The following PGLYRP3 variants were observed in gnomAD, a reference collection of about 807,000 sequenced individuals.
The protein encoded by PGLYRP3 is peptidoglycan recognition protein I alpha.
A neutral mutation model predicts 36.0 loss-of-function variants in PGLYRP3; 39 were observed. That is an observed-to-expected ratio of 1.08 (90% CI 0.84 to 1.41). The LOEUF is 1.41. Ranked by LOEUF, PGLYRP3 falls within the 40% of genes most tolerant of loss-of-function variation. PGLYRP3 has a pLI of 0.00. For synonymous variants in PGLYRP3, 204 were observed against 172.8 expected, an observed-to-expected ratio of 1.18 and a Z score of -1.42; for missense variants, 407 against 427.9, an observed-to-expected ratio of 0.95 and a Z score of 0.43.
intron 3 of PGLYRP3, among the ~76,000 whole-genome samples, chr1:153,306,099 A>G (rs1404033397): frequency 6.6e-6 from 1 of 152,204 alleles, no homozygotes; most frequent in East Asian, 1.9e-4. Flanking sequence ...CGTGGTTGAC[A>G]TGACATGCCC....
rs1400766548 is a variant in PGLYRP3 at position 153,297,532 on chromosome 1, A to C, written c.*424T>G. The stretch of plus-strand genomic sequence containing the variant: ...GAAGGAAGGAAGGAAGGAAGGAAGG[A>C]AGGAAGGAAGGAAGGAAGGAAAGAA... On this transcript the variant is annotated 3_prime_UTR_variant, in exon 8 of 8. Transcript: ENST00000683862. Among the ~76,000 whole-genome samples the C allele has an allele frequency of 1.1e-5, 1 of 88,310 alleles. No homozygotes were observed. The highest frequency in any genetic ancestry group is 4.5e-5 in the African/African-American group (1 of 22,146). 57.9% of individuals were successfully genotyped at this position (88,310 alleles called of 152,430 possible).
At chr1:153,303,366 C>T (rs1198695039) in intron 5 of PGLYRP3, among the ~76,000 whole-genome samples, 1 of 152,202 alleles carries the variant, frequency 6.6e-6, no homozygotes, top group Non-Finnish European at 1.5e-5. Flanking sequence ...TATGTATGTC[C>T]TTCGTGTCCC....
Position 153,312,950 on chromosome 1 carries a change from A to C in PGLYRP3, c.-349T>G, listed in dbSNP as rs1490406047. Among the ~76,000 whole-genome samples the C allele has an allele frequency of 6.6e-6, 1 of 152,136 alleles. No homozygotes were observed. The highest frequency in any genetic ancestry group is 1.5e-5 in the Non-Finnish European group (1 of 68,006). On this transcript the variant is annotated 5_prime_UTR_variant, in exon 1 of 8. Transcript: ENST00000683862. ...CTGTTTACAGCACCCAGAGAAACTTAAGTGGGAACAGACCCAGGCTGAGAG... is the reference window on the plus strand; with the variant it reads ...CTGTTTACAGCACCCAGAGAAACTTCAGTGGGAACAGACCCAGGCTGAGAG...
intron 6 of PGLYRP3, among the ~76,000 whole-genome samples, chr1:153,300,280 T>G (rs1032165246): frequency 6.6e-6 from 1 of 152,172 alleles, no homozygotes; most frequent in Non-Finnish European, 1.5e-5. Context: ...TGCTTATCCA[T>G]GTCCCAATGA....
At chr1:153,312,472 A>T (rs1054081514) in intron 1 of PGLYRP3, among the ~76,000 whole-genome samples, 171 bp downstream of exon 1, 7 of 152,238 alleles carry the variant, frequency 4.6e-5, no homozygotes, top group African/African-American at 1.7e-4. Context: ...AGAAGAATTT[A>T]GAATGAAGAA....
intron 7 of PGLYRP3, among the ~76,000 whole-genome samples, chr1:153,298,906 T>C (rs982797454): frequency 6.6e-6 from 1 of 152,162 alleles, no homozygotes; most frequent in African/African-American, 2.4e-5. Context: ...AAGGTGGAGC[T>C]GGGCATGGGG....
At chr1:153,307,040 C>A in intron 3 of PGLYRP3, 26 bp downstream of exon 3, 1 of 1,609,150 alleles carries the variant, frequency 6.2e-7, no homozygotes, top group African/African-American at 1.3e-5. Flanking sequence ...TGGATGTGGG[C>A]CTCAGGGACT....
chr1:153,304,830 G>T, intron 4 of PGLYRP3, 117 bp downstream of exon 4: 1 of 719,078 alleles, frequency 1.4e-6, no homozygotes, highest in Non-Finnish European at 2.3e-6. Flanking sequence ...AGAGAAGGGT[G>T]ATCATCAGAG....
Position 153,302,440 on chromosome 1 carries a change from C to A in PGLYRP3, c.697G>T (p.Asp233Tyr), listed in dbSNP as rs1161516307. The A allele has an allele frequency of 6.2e-7, 1 of 1,614,036 alleles. No homozygotes were observed. Among genetic ancestry groups the A allele is most frequent in the Non-Finnish European group, 8.5e-7 (1 of 1,180,024 alleles). ...CCAATGTCACAAAAGTTCCGTGTGTCCATGTGAAAGGACTGTATGTTTCGG... is the reference window on the plus strand; with the variant it reads ...CCAATGTCACAAAAGTTCCGTGTGTACATGTGAAAGGACTGTATGTTTCGG... ...VVRNIQSFHM[D>Y]TRNFCDIGYH... The change falls in exon 6 of 8, where the codon GAC (aspartate) becomes TAC (tyrosine). Residue 233 changes from aspartate to tyrosine, a missense_variant. Physicochemically the swap from Asp to Tyr is radical, Grantham distance 160. Transcript: ENST00000683862.
At chr1:153,312,306 C>T (rs3806230) in intron 1 of PGLYRP3, among the ~76,000 whole-genome samples, 60,568 of 151,926 alleles carry the variant, frequency 0.4, 12,756 homozygotes, top group Non-Finnish European at 0.47. Flanking sequence ...TGCTGTGCAT[C>T]CTGTATACTG....
At position 153,303,928 on chromosome 1, in the gene PGLYRP3, C is replaced by A. The variant is rs779076910; in HGVS notation, c.458G>T (p.Arg153Met). ...TTTCAGAAGAAGTGGCTGAATATAC[C>A]TGGGCGACAGGTGACCCTTCTGGAT... The part of the protein sequence containing the change: ...YAIQKGHLSP[R>M]YIQPLLLKEE... Residue 153 changes from arginine to methionine, a missense_variant, in exon 5 of 8, where the codon AGG becomes ATG. By Grantham distance (91) the Arg-to-Met change is moderately conservative. Transcript: ENST00000683862. The A allele has an allele frequency of 8.1e-6, 13 of 1,614,020 alleles. No individual in the cohort carries two copies. Among genetic ancestry groups the A allele is most frequent in the Non-Finnish European group, 1.1e-5 (13 of 1,179,994 alleles).
intron 6 of PGLYRP3, among the ~76,000 whole-genome samples, chr1:153,299,667 CTCTAG>C (rs760140755): frequency 5.3e-5 from 8 of 152,194 alleles, no homozygotes; most frequent in Non-Finnish European, 1.0e-4. Context: ...CTCCTCCGCA[CTCTAG>C]TCTAGGCCAT....
In PGLYRP3 at chr1:153,303,386, G is replaced by A. The variant is rs187651162; in HGVS notation, c.529+471C>T. Among the ~76,000 whole-genome samples the A allele has an allele frequency of 5.4e-4, 82 of 152,290 alleles. 1 individual carries two copies. The highest frequency in any genetic ancestry group is 3.9e-3 in the South Asian group (19 of 4,822). On this transcript the variant is annotated intron_variant, in intron 5 of 7. Coordinates refer to ENST00000683862, the MANE Select transcript of PGLYRP3 (RefSeq NM_052891.3). ...ATGTCCTTCGTGTCCCCACATAATA[G>A]ACACAACTATGTATACATGTTAATC...
rs3795386 is a variant in PGLYRP3 at position 153,297,916 on chromosome 1, C to G, written c.*40G>C. On this transcript the variant is annotated 3_prime_UTR_variant, in exon 8 of 8. Transcript: ENST00000683862. ...GCTGGTGAGGGTTGGAGAGACCCAG[C>G]AGGGGAGGGAGGGCAGTCTCAAAGG... The G allele has an allele frequency of 7.3e-3, 11,715 of 1,601,448 alleles. 841 individuals carry two copies. In the East Asian group the frequency reaches 0.18, roughly 24 times the overall value.
chr1:153,304,645 G>A (rs897390518), intron 4 of PGLYRP3, among the ~76,000 whole-genome samples: 5 of 152,176 alleles, frequency 3.3e-5, no homozygotes, highest in African/African-American at 1.2e-4. Context: ...CTCTGCCTCT[G>A]GCAGTCACAG....
intron 6 of PGLYRP3, among the ~76,000 whole-genome samples, chr1:153,301,264 T>A (rs1047756737): frequency 6.6e-6 from 1 of 152,318 alleles, no homozygotes; most frequent in East Asian, 1.9e-4. Context: ...TGTTGTTAGA[T>A]TGATATATCT....
chr1:153,307,220 C>A lies in PGLYRP3; in HGVS notation c.103G>T (p.Ala35Ser), dbSNP rs55991125. ...GGCAGGGTCAGCAGGGCCCTGCAGG[C>A]GAGCGGTCTTGCCCCCCACTCCTTG... The part of the protein sequence containing the change: ...SRKEWGARPL[A>S]CRALLTLPVA... Residue 35 changes from alanine to serine, a missense_variant, in exon 3 of 8, where the codon GCC (alanine) becomes TCC (serine). Ala to Ser is a moderately conservative substitution (Grantham distance 99). Coordinates refer to ENST00000683862, the MANE Select transcript of PGLYRP3 (RefSeq NM_052891.3). 2 of 1,610,506 alleles carry A rather than the reference C, an allele frequency of 1.2e-6. No individual in the cohort carries two copies. The highest frequency in any genetic ancestry group is 2.7e-5 in the African/African-American group (2 of 74,856).
At chr1:153,301,961 A>G (rs368455754) in intron 6 of PGLYRP3, among the ~76,000 whole-genome samples, 23 of 152,352 alleles carry the variant, frequency 1.5e-4, no homozygotes, top group South Asian at 1.5e-3. Flanking sequence ...AGAGAGGTTA[A>G]AAGTTCCTAC....
rs372264715 is a variant in PGLYRP3 at position 153,310,689 on chromosome 1, A to C, written c.-24T>G. The C allele has an allele frequency of 5.4e-4, 870 of 1,612,340 alleles. 2 individuals are homozygous for C. Among genetic ancestry groups the C allele is most frequent in the South Asian group, 1.5e-3 (141 of 91,020 alleles). ...ATGTGGTCCCAGGACTCTGACCGGGAGAGTGTGGACGGCAGCCCTGGAAGA... is the reference window on the plus strand; with the variant it reads ...ATGTGGTCCCAGGACTCTGACCGGGCGAGTGTGGACGGCAGCCCTGGAAGA... On this transcript the variant is annotated 5_prime_UTR_variant, in exon 2 of 8. Coordinates refer to ENST00000683862, the MANE Select transcript of PGLYRP3 (RefSeq NM_052891.3).
Sources: gnomAD v4.1 joint callset for allele counts (sites outside exome capture counted in the v4.1 genomes callset) on GRCh38, gnomAD v4.1.1 for gene constraint, MANE v1.5 for transcripts, NCBI Gene and HGNC (gene_info 2026-07-23, HGNC 2026-07-21) for gene names.